Variants in PLPP4 observed in about 807,000 individuals in gnomAD.
PLPP4 encodes the protein phospholipid phosphatase 4.
Under a neutral mutation model 32.2 loss-of-function variants are expected in PLPP4, and 20 were observed. The observed-to-expected ratio is 0.62, with a 90% CI of 0.44 to 0.90. The LOEUF (loss-of-function observed/expected upper bound fraction) is 0.90. PLPP4 is among the 40% of genes least tolerant of loss of function. The pLI is 0.00. For synonymous variants in PLPP4, 127 were observed against 133.0 expected, an observed-to-expected ratio of 0.95 and a Z score of 0.31; for missense variants, 257 against 353.1, an observed-to-expected ratio of 0.73 and a Z score of 2.18.
intron 3 of PLPP4, among the ~76,000 whole-genome samples, chr10:120,514,249 C>T (rs1845848933): frequency 6.6e-6 from 1 of 152,222 alleles, no homozygotes; most frequent in Non-Finnish European, 1.5e-5. Flanking sequence ...ACCCTGTACA[C>T]ACCAGAGAGC....
intron 1 of PLPP4, among the ~76,000 whole-genome samples, chr10:120,479,471 CT>C (rs138253752): frequency 0.061 from 9,246 of 152,220 alleles, 349 homozygotes; most frequent in South Asian, 0.12. Flanking sequence ...TTTTGTTTTT[CT>C]TATGGCATTT....
At chr10:120,478,753 T>A (rs1286666906) in intron 1 of PLPP4, among the ~76,000 whole-genome samples, 1 of 152,244 alleles carries the variant, frequency 6.6e-6, no homozygotes, top group Non-Finnish European at 1.5e-5. Context: ...ACTTGTTTTT[T>A]AAAAAGCTGC....
chr10:120,539,660 A>G (rs542449613), intron 5 of PLPP4, among the ~76,000 whole-genome samples: 1 of 152,114 alleles, frequency 6.6e-6, no homozygotes, highest in Non-Finnish European at 1.5e-5. Flanking sequence ...TAATAAGCAG[A>G]CATTTTCAGA....
chr10:120,527,715 C>T (rs796766364), intron 5 of PLPP4, among the ~76,000 whole-genome samples: 41 of 149,522 alleles, frequency 2.7e-4, no homozygotes, highest in African/African-American at 1.0e-3. Context: ...AGTGTTATTA[C>T]TGTTGATAGC....
At chr10:120,538,085 T>TGTG (rs71019774) in intron 5 of PLPP4, among the ~76,000 whole-genome samples, 4 of 127,716 alleles carry the variant, frequency 3.1e-5, no homozygotes, top group Non-Finnish European at 5.0e-5. Flanking sequence ...TGTGTGTGTG[T>TGTG]TTTCAGATTC....
At chr10:120,580,791 G>A (rs1270181588) in intron 6 of PLPP4, 2 of 887,230 alleles carry the variant, frequency 2.3e-6, no homozygotes, top group South Asian at 3.0e-5. Flanking sequence ...CAATATGATT[G>A]TTTCTGCCAA....
rs190997423 is a variant in PLPP4, at chr10:120,472,571, A to G, written c.56+15210A>G. On this transcript the variant is annotated intron_variant, in intron 1 of 6. Coordinates refer to ENST00000398250, the MANE Select transcript of PLPP4 (RefSeq NM_001030059.3). ...GTGATGTGTCTAGGTTGGTCTCATT[A>G]GTATTTTTCCCATTTCTTTTCATTG... is the stretch of plus-strand genomic sequence containing the variant. Among the ~76,000 whole-genome samples the G allele has an allele frequency of 2.6e-4, 40 of 152,216 alleles. No homozygotes were observed. In the East Asian group the frequency reaches 5.6e-3, roughly 21 times the overall value.
chr10:120,537,503 C>T (rs77664993), intron 5 of PLPP4, among the ~76,000 whole-genome samples: 5,739 of 152,230 alleles, frequency 0.038, 157 homozygotes, highest in Admixed American at 0.087. Flanking sequence ...TTGAACTCAT[C>T]AAAGCAGAGA....
chr10:120,581,141 C>T lies in PLPP4; in HGVS notation c.616+5840C>T, dbSNP rs144657684. On this transcript the variant is annotated intron_variant, in intron 6 of 6. Transcript: ENST00000398250. ...AGTCAGGACTTCTGCCCTCTTCCTG[C>T]CTCCAGGATAGCCCTGGTGTTTCCC... is the stretch of plus-strand genomic sequence containing the variant. The T allele has an allele frequency of 6.1e-6, 6 of 985,436 alleles. No individual in the cohort carries two copies. The African/African-American group carries it at 8.7e-5, about 14-fold the overall frequency. The allele number at this position is 985,436 out of a possible 1,614,324, so 61.0% of individuals were successfully genotyped here. A position where few individuals can be genotyped will look rare whatever the true frequency, so the allele number is the denominator to read the frequency against.
At chr10:120,551,979 GT>G (rs1317470435) in intron 5 of PLPP4, among the ~76,000 whole-genome samples, 1 of 151,892 alleles carries the variant, frequency 6.6e-6, no homozygotes, top group Non-Finnish European at 1.5e-5. Flanking sequence ...TTATTTCTCT[GT>G]AAATTCCATA....
chr10:120,502,071 T>G (rs1749236725), intron 1 of PLPP4, among the ~76,000 whole-genome samples: 1 of 152,132 alleles, frequency 6.6e-6, no homozygotes, highest in Admixed American at 6.5e-5. Flanking sequence ...CAGAAGTGAC[T>G]TGCACCCCAG....
At chr10:120,462,769 G>A (rs369650796) in intron 1 of PLPP4, among the ~76,000 whole-genome samples, 1 of 147,752 alleles carries the variant, frequency 6.8e-6, no homozygotes, top group African/African-American at 2.4e-5. Flanking sequence ...TTGAACAGGG[G>A]CTCCTTCCAT....
intron 5 of PLPP4, among the ~76,000 whole-genome samples, chr10:120,551,561 T>G (rs1847905515): frequency 6.6e-6 from 1 of 152,126 alleles, no homozygotes; most frequent in South Asian, 2.1e-4. Flanking sequence ...TAGAAAACAT[T>G]ATGTTGAGAA....
chr10:120,565,355 T>C (rs11593266), intron 5 of PLPP4, among the ~76,000 whole-genome samples: 361 of 132,656 alleles, frequency 2.7e-3, no homozygotes, highest in East Asian at 4.6e-3. Flanking sequence ...TGTGTGTGTG[T>C]GTGTGTGCTG....
intron 1 of PLPP4, among the ~76,000 whole-genome samples, chr10:120,485,966 G>C (rs1035770287): frequency 6.6e-6 from 1 of 152,118 alleles, no homozygotes; most frequent in Non-Finnish European, 1.5e-5. Context: ...CGATATTCTT[G>C]GTCTGCTCTG....
At chr10:120,496,837 AT>A (rs905270438) in intron 1 of PLPP4, among the ~76,000 whole-genome samples, 14 of 152,080 alleles carry the variant, frequency 9.2e-5, no homozygotes, top group Non-Finnish European at 2.9e-5. Context: ...TGGAAACAGA[AT>A]TAACCAACAA....
chr10:120,569,708 C>T (rs780915164), intron 5 of PLPP4, among the ~76,000 whole-genome samples: 16 of 152,196 alleles, frequency 1.1e-4, no homozygotes, highest in Non-Finnish European at 1.6e-4. Flanking sequence ...TCCCCAAGGA[C>T]CTTGGCCTCT....
intron 1 of PLPP4, among the ~76,000 whole-genome samples, chr10:120,491,422 G>A (rs1844716720): frequency 6.6e-6 from 1 of 152,164 alleles, no homozygotes; most frequent in African/African-American, 2.4e-5. Flanking sequence ...CATTTTGAAG[G>A]TGACTCATTT....
At chr10:120,516,220 T>A (rs1845928454) in intron 3 of PLPP4, among the ~76,000 whole-genome samples, 1 of 152,152 alleles carries the variant, frequency 6.6e-6, no homozygotes, top group Non-Finnish European at 1.5e-5. Context: ...AGGGTGTAGA[T>A]TTTCCAGTGT....
Sources: allele counts gnomAD v4.1 joint callset (sites outside exome capture counted in the v4.1 genomes callset), GRCh38; gene constraint gnomAD v4.1.1; transcripts MANE v1.5; gene names NCBI Gene and HGNC (gene_info 2026-07-23, HGNC 2026-07-21).